Variants in WWTR1 observed in about 807,000 individuals in gnomAD.
WWTR1 encodes WW domain containing transcription regulator 1.
A neutral mutation model predicts 40.1 loss-of-function variants in WWTR1; 13 were observed. The observed-to-expected ratio is 0.32, with a 90% CI of 0.21 to 0.52. WWTR1 has a LOEUF of 0.52. Ranked by LOEUF, WWTR1 falls within the 20% of genes least tolerant of loss-of-function variation. The probability of loss-of-function intolerance (pLI) is 0.97; values close to 1 mark genes in which losing one functional copy is unlikely to be tolerated. For synonymous variants in WWTR1, 230 were observed against 210.1 expected (o/e 1.09, Z -0.82); for missense variants, 436 against 523.1 (o/e 0.83, Z 1.63).
upstream of WWTR1, among the ~76,000 whole-genome samples, chr3:149,706,380 G>A (rs1031673435): frequency 1.3e-5 from 2 of 152,144 alleles, no homozygotes; most frequent in South Asian, 2.1e-4. Flanking sequence ...GTGCAATGGC[G>A]TGATCTCGGC....
chr3:149,615,023 T>A (rs1739907193), intron 2 of WWTR1, among the ~76,000 whole-genome samples: 1 of 151,534 alleles, frequency 6.6e-6, no homozygotes, highest in Non-Finnish European at 1.5e-5. Context: ...TACAGGGGGG[T>A]ACATTATACT....
In WWTR1 at chr3:149,657,119, C is replaced by T; in HGVS notation, c.188G>A (p.Arg63His). 6.3e-7 allele frequency: 1 copy of T among 1,586,314 alleles called. No homozygotes were observed. ...GCCCGACGAGTCGGTGCTGGACTGG[C>T]GCGAGTGCGAGCCCGAATCAGGCTC... ...FKEPDSGSHS[R>H]QSSTDSSGGH... is the part of the protein sequence containing the mutation. The change falls in exon 2 of 7, where the codon CGC becomes CAC. Residue 63 changes from arginine to histidine, a missense_variant. Arg to His is a conservative substitution (Grantham distance 29). Transcript: ENST00000360632.
chr3:149,647,088 G>C (rs957693415), intron 2 of WWTR1, among the ~76,000 whole-genome samples: 1 of 152,046 alleles, frequency 6.6e-6, no homozygotes, highest in Admixed American at 6.6e-5. Flanking sequence ...CACTACCATT[G>C]TGTTGTGTTG....
upstream of WWTR1, chr3:149,659,963 G>C (rs1418636409): frequency 1.4e-5 from 2 of 140,566 alleles, no homozygotes; most frequent in African/African-American, 5.4e-5. Flanking sequence ...CTATTGCCCA[G>C]GATGGAGTGC....
chr3:149,718,051 A>C (rs1242217431), intron 4 of WWTR1, among the ~76,000 whole-genome samples: 1 of 152,214 alleles, frequency 6.6e-6, no homozygotes, highest in African/African-American at 2.4e-5. Flanking sequence ...ATCCCTAAAC[A>C]AATATATTAT....
intron 3 of WWTR1, among the ~76,000 whole-genome samples, chr3:149,559,991 A>C (rs1230960739): frequency 6.6e-6 from 1 of 152,224 alleles, no homozygotes; most frequent in Non-Finnish European, 1.5e-5. Flanking sequence ...AGACACCCAG[A>C]ATAGGAAATT....
intron 1 of WWTR1, among the ~76,000 whole-genome samples, chr3:149,699,583 G>A (rs189607814): frequency 9.0e-4 from 137 of 152,186 alleles, no homozygotes; most frequent in African/African-American, 3.2e-3. Flanking sequence ...ATGAGCCACC[G>A]TGCTCAGCCA....
intron 1 of WWTR1, among the ~76,000 whole-genome samples, chr3:149,676,574 A>G (rs1694441189): frequency 6.6e-6 from 1 of 152,186 alleles, no homozygotes. Flanking sequence ...TACTGTTTCC[A>G]GTCCTTACAG....
At chr3:149,527,167 TTTTTGAGATGGAG>T (rs1735359681) in intron 5 of WWTR1, among the ~76,000 whole-genome samples, 1 of 148,390 alleles carries the variant, frequency 6.7e-6, no homozygotes, top group Admixed American at 6.8e-5. Context: ...CTTTTTTTTT[TTTTTGAGATGGAG>T]TTTCACTCTT....
Position 149,694,348 on chromosome 3 carries a change from C to T in WWTR1, c.-108+8776G>A, listed in dbSNP as rs576888556. Among the ~76,000 whole-genome samples, 42 of 152,164 alleles carry T rather than the reference C, an allele frequency of 2.8e-4. No homozygotes were observed. The East Asian group carries it at 6.0e-3, about 22-fold the overall frequency. ...GGCAGAGGTTGCAGTGAGCCGAGAT[C>T]GCATCACTGCACTCCAGCCTGGGCG... On this transcript the variant is annotated intron_variant, in intron 1 of 7. Transcript: ENST00000465804.
intron 1 of WWTR1, among the ~76,000 whole-genome samples, chr3:149,679,058 T>C (rs1468114765): frequency 6.6e-6 from 1 of 152,188 alleles, no homozygotes; most frequent in African/African-American, 2.4e-5. Context: ...CTTGAACTCC[T>C]GACCTCCGGT....
intron 1 of WWTR1, among the ~76,000 whole-genome samples, chr3:149,687,890 C>T (rs1361372150): frequency 1.3e-5 from 2 of 151,998 alleles, no homozygotes; most frequent in Non-Finnish European, 2.9e-5. Flanking sequence ...AAGGGAGATA[C>T]AAAGACCTGA....
chr3:149,612,825 C>T (rs764591029), intron 2 of WWTR1, among the ~76,000 whole-genome samples: 15 of 152,150 alleles, frequency 9.9e-5, no homozygotes, highest in Non-Finnish European at 1.8e-4. Context: ...CTCCTCTTAA[C>T]TCCCTCCCCA....
At chr3:149,693,665 A>C (rs1166316061) in intron 1 of WWTR1, among the ~76,000 whole-genome samples, 1 of 152,180 alleles carries the variant, frequency 6.6e-6, no homozygotes, top group African/African-American at 2.4e-5. Flanking sequence ...GAGAACCCAG[A>C]ATAGAGAACC....
At chr3:149,603,854 C>CAAAA (rs370980729) in intron 2 of WWTR1, among the ~76,000 whole-genome samples, 11 of 83,250 alleles carry the variant, frequency 1.3e-4, no homozygotes, top group Non-Finnish European at 2.1e-4. Context: ...AGCGGCATAC[C>CAAAA]AAAAAAAAAA....
chr3:149,660,132 T>C (rs1389070511), upstream of WWTR1: 4 of 152,108 alleles, frequency 2.6e-5, no homozygotes, highest in Non-Finnish European at 4.4e-5. Context: ...CCTTGGAAAG[T>C]AGAATCTTTG....
intron 1 of WWTR1, among the ~76,000 whole-genome samples, chr3:149,690,800 G>T (rs1449748153): frequency 6.6e-6 from 1 of 152,130 alleles, no homozygotes; most frequent in South Asian, 2.1e-4. Context: ...TTCATCCAAT[G>T]GCTACAGAAT....
intron 2 of WWTR1, among the ~76,000 whole-genome samples, chr3:149,604,770 CT>C (rs1220962867): frequency 1.3e-5 from 2 of 152,250 alleles, no homozygotes; most frequent in Non-Finnish European, 2.9e-5. Flanking sequence ...CCCTCCCAGT[CT>C]GCTCAGATCA....
At position 149,518,140 on chromosome 3, in the gene WWTR1, T is replaced by C. The variant is rs1734875184; in HGVS notation, c.*2665A>G. On this transcript the variant is annotated 3_prime_UTR_variant, in exon 7 of 7. Transcript: ENST00000360632. ...ATTTTGTGGCCTTAAAAACAAAAAA[T>C]TATATCTGGCTTTATCTATTAGTAA... is the stretch of plus-strand genomic sequence containing the variant. 6.6e-6 allele frequency: 1 copy of C among 152,098 alleles called. No homozygotes were observed. The highest frequency in any genetic ancestry group is 1.9e-4 in the East Asian group (1 of 5,202). 9.4% of individuals were successfully genotyped at this position (152,098 alleles called of 1,614,324 possible).
Sources: allele counts gnomAD v4.1 joint callset (sites outside exome capture counted in the v4.1 genomes callset), GRCh38; gene constraint gnomAD v4.1.1; transcripts MANE v1.5; gene names NCBI Gene and HGNC (gene_info 2026-07-23, HGNC 2026-07-21).